ZNF469: variants seen among roughly 807,000 people sequenced by gnomAD.
ZNF469 encodes zinc finger protein 469.
A neutral mutation model predicts 1.0 loss-of-function variants in ZNF469; 1 was observed. The ratio of observed to expected loss-of-function variants is 1.00; its 90% confidence interval spans 0.35 to 4.73. ZNF469 has a LOEUF of 4.73. Ranked by LOEUF, ZNF469 falls within the 30% of genes most tolerant of loss-of-function variation. The pLI is 0.16. For synonymous variants in ZNF469, 2,703 were observed against 2,363.4 expected, an observed-to-expected ratio of 1.14 and a Z score of -4.17; for missense variants, 6,100 against 5,356.3, an observed-to-expected ratio of 1.14 and a Z score of -4.33.
At chr16:88,358,716 T>C in the ZNF469 span, among the ~76,000 whole-genome samples, 1 of 152,158 alleles carries the variant, frequency 6.6e-6, no homozygotes, top group Non-Finnish European at 1.5e-5. Flanking sequence ...ATTTTAATTT[T>C]TTTTTTAATT....
At chr16:88,105,889 C>A in the ZNF469 span, among the ~76,000 whole-genome samples, 2 of 152,236 alleles carry the variant, frequency 1.3e-5, no homozygotes, top group East Asian at 3.9e-4. Context: ...ACCCAGGAAG[C>A]AAGCACTCAC....
chr16:88,342,084 G>C, the ZNF469 span, among the ~76,000 whole-genome samples: 1 of 151,702 alleles, frequency 6.6e-6, no homozygotes, highest in Non-Finnish European at 1.5e-5. Context: ...GGCGGGGCTG[G>C]CTGGGGACGA....
the ZNF469 span, among the ~76,000 whole-genome samples, chr16:88,104,652 CCCCAGATGTTCTTGTCTGAG>C: frequency 6.6e-6 from 1 of 152,256 alleles, no homozygotes; most frequent in Non-Finnish European, 1.5e-5. Context: ...GCCTGCACCA[CCCCAGATGTTCTTGTCTGAG>C]CCTACAAAGA....
the ZNF469 span, among the ~76,000 whole-genome samples, chr16:88,375,127 G>A: frequency 2.0e-5 from 3 of 152,248 alleles, no homozygotes; most frequent in Non-Finnish European, 2.9e-5. Flanking sequence ...GCTTTTTCTG[G>A]TTATGAAATA....
At chr16:88,257,678 A>G in the ZNF469 span, among the ~76,000 whole-genome samples, 1 of 151,938 alleles carries the variant, frequency 6.6e-6, no homozygotes, top group Admixed American at 6.6e-5. Context: ...ATTTTGAGTT[A>G]TTTCTTTGTG....
the ZNF469 span, among the ~76,000 whole-genome samples, chr16:88,102,139 T>C: frequency 1.4e-5 from 2 of 143,826 alleles, no homozygotes; most frequent in African/African-American, 2.6e-5. Context: ...AGAATTCCCA[T>C]GTGCTGGTGA....
the ZNF469 span, among the ~76,000 whole-genome samples, chr16:88,277,243 A>T: frequency 1.3e-5 from 2 of 150,360 alleles, no homozygotes; most frequent in East Asian, 4.0e-4. Context: ...ACGCTCAGTC[A>T]GTACCGTGTA....
At chr16:88,113,017 A>T in the ZNF469 span, among the ~76,000 whole-genome samples, 1 of 151,800 alleles carries the variant, frequency 6.6e-6, no homozygotes, top group African/African-American at 2.4e-5. Flanking sequence ...TGACCTCGTG[A>T]TCCACCCGCC....
chr16:88,423,062 T>TA (rs926721682), intron 1 of ZNF469, among the ~76,000 whole-genome samples: 1 of 147,438 alleles, frequency 6.8e-6, no homozygotes, highest in Non-Finnish European at 1.5e-5. Context: ...GATGGGTAGA[T>TA]GATGGATGGG....
chr16:88,342,135 G>A, the ZNF469 span, among the ~76,000 whole-genome samples: 7 of 152,120 alleles, frequency 4.6e-5, no homozygotes, highest in African/African-American at 9.7e-5. Flanking sequence ...CTGAGGAGGC[G>A]CTGCGACAGG....
chr16:88,421,279 A>G (rs1905449270), intron 1 of ZNF469, among the ~76,000 whole-genome samples: 1 of 152,172 alleles, frequency 6.6e-6, no homozygotes, highest in Admixed American at 6.5e-5. Context: ...CCGGCTAAAG[A>G]GGGGCCAGTT....
chr16:88,328,952 G>A, the ZNF469 span, among the ~76,000 whole-genome samples: 33,123 of 152,100 alleles, frequency 0.22, 3,572 homozygotes, highest in South Asian at 0.29. Context: ...AGCAAGAAGG[G>A]TCAGGGCCCT....
rs761028591 is a variant in ZNF469, at chr16:88,427,803, G to T, written c.333G>T (p.Arg111Ser). ...PLQAPSRLAG[R>S]AEGSPPQRYI... ...AGGCTCCCTCAAGGCTGGCGGGCAG[G>T]GCAGAGGGCAGCCCCCCACAGCGCT... Residue 111 changes from arginine to serine, a missense_variant, in exon 3 of 3, where the codon AGG becomes AGT. Arg to Ser is a moderately radical substitution (Grantham distance 110). Transcript: ENST00000565624. The T allele has an allele frequency of 1.3e-6, 2 of 1,547,862 alleles. No homozygotes were observed. Among genetic ancestry groups the T allele is most frequent in the African/African-American group, 1.4e-5 (1 of 73,108 alleles).
chr16:88,393,191 C>T (rs1904537226), intron 1 of ZNF469, among the ~76,000 whole-genome samples: 1 of 152,280 alleles, frequency 6.6e-6, no homozygotes, highest in African/African-American at 2.4e-5. Flanking sequence ...TCCTGCCTCG[C>T]CCGCCCTGGA....
chr16:88,243,911 CATATATATAT>C, the ZNF469 span, among the ~76,000 whole-genome samples: 121 of 26,280 alleles, frequency 4.6e-3, 3 homozygotes, highest in East Asian at 7.1e-3. Flanking sequence ...TGGCTGGATG[CATATATATAT>C]ATATATATAT....
At chr16:88,261,530 T>C in the ZNF469 span, among the ~76,000 whole-genome samples, 3 of 152,186 alleles carry the variant, frequency 2.0e-5, no homozygotes, top group Non-Finnish European at 4.4e-5. The surrounding 1 kb of genome is among the most constrained non-coding windows in gnomAD (Gnocchi z 6.0). Flanking sequence ...GGACCCGAAG[T>C]CCTGAAGCTT....
the ZNF469 span, among the ~76,000 whole-genome samples, chr16:88,330,659 C>T: frequency 1.3e-5 from 2 of 152,314 alleles, no homozygotes; most frequent in East Asian, 1.9e-4. Flanking sequence ...ACCCCTGCCT[C>T]AGTCAGCACA....
chr16:88,256,220 C>A, the ZNF469 span, among the ~76,000 whole-genome samples: 1 of 152,356 alleles, frequency 6.6e-6, no homozygotes, highest in African/African-American at 2.4e-5. Context: ...TCTCACCCTC[C>A]TGCCAGCCCC....
At chr16:88,199,429 C>T in the ZNF469 span, among the ~76,000 whole-genome samples, 1 of 152,252 alleles carries the variant, frequency 6.6e-6, no homozygotes, top group African/African-American at 2.4e-5. Flanking sequence ...TGTCCCTGGT[C>T]TTCAGGGGTG....
Sources: gnomAD v4.1 joint callset for allele counts (sites outside exome capture counted in the v4.1 genomes callset) on GRCh38, gnomAD v4.1.1 for gene constraint, Gnocchi (gnomAD v3.1) non-coding constraint, MANE v1.5 for transcripts, NCBI Gene and HGNC (gene_info 2026-07-23, HGNC 2026-07-21) for gene names.